Variants in F8 observed in about 807,000 individuals in gnomAD.
F8 encodes the protein antihemophilic factor.
F8 carries 12 observed loss-of-function variants against 140.6 expected under a neutral mutation model. That is an observed-to-expected ratio of 0.09 (90% confidence interval 0.05 to 0.14). F8 has a LOEUF of 0.14. Ranked by LOEUF, F8 falls within the 10% of genes least tolerant of loss-of-function variation. The pLI is 1.00. For missense variants in F8, 1,354 were observed against 1,720.7 expected (o/e 0.79, Z 3.77); for synonymous variants, 585 against 614.6 (o/e 0.95, Z 0.71).
chrX:154,928,481 T>C, intron 14 of F8, 90 bp downstream of exon 14: 1 of 835,039 alleles, frequency 1.2e-6, no homozygotes, highest in East Asian at 3.2e-5. Context: ...ACCTTGATTT[T>C]TCATCCTCTA....
rs199660138 is a variant in F8 at position 154,930,903 on chromosome X, C to T, written c.2887G>A (p.Asp963Asn). The change falls in exon 14 of 26, where the codon GAT becomes AAT. Residue 963 changes from aspartate to asparagine, a missense_variant. Physicochemically the swap from Asp to Asn is conservative, Grantham distance 23 (BLOSUM62 1). Coordinates refer to ENST00000360256, the MANE Select transcript of F8 (RefSeq NM_000132.4). ...GPLSLSEENN[D>N]SKLLESGLMN... Reference sequence around the variant, plus strand: ...AAACCTGATTCTAACAACTTTGAATCATTATTTTCTTCACTCAAGCTCAGA... The same window carrying T: ...AAACCTGATTCTAACAACTTTGAATTATTATTTTCTTCACTCAAGCTCAGA... 1.0e-4 allele frequency: 124 copies of T among 1,199,373 alleles called. No individual in the cohort carries two copies. The highest frequency in any genetic ancestry group is 2.9e-4 in the Admixed American group (13 of 44,144).
At chrX:154,878,133 G>A (rs1557274175) in intron 22 of F8, among the ~76,000 whole-genome samples, 1 of 111,226 alleles carries the variant, frequency 9.0e-6, no homozygotes, top group African/African-American at 3.3e-5. Context: ...TATATCACAA[G>A]AAAAGAAAAT....
chrX:154,953,770 A>G (rs1221669864), intron 12 of F8, 122 bp downstream of exon 12: 1 of 860,205 alleles, frequency 1.2e-6, no homozygotes, highest in Non-Finnish European at 1.7e-6. Flanking sequence ...TTATACATTT[A>G]TAGGTAACAT....
rs905796203 is a variant in F8 at position 154,949,237 on chromosome X, G to A, written c.1904-1330C>T. Among the ~76,000 whole-genome samples the A allele has an allele frequency of 6.2e-5, 7 of 112,081 alleles. No homozygotes were observed. The Admixed American group carries it at 6.6e-4, about 11-fold the overall frequency. On this transcript the variant is annotated intron_variant, in intron 12 of 25. Coordinates refer to ENST00000360256, the MANE Select transcript of F8 (RefSeq NM_000132.4). ...TGAACTAACTGAAAGCCTAATTTAG[G>A]AATATGCTTTTATAACAAACAGCTC...
intron 3 of F8, among the ~76,000 whole-genome samples, chrX:154,995,030 C>T (rs1225694078): frequency 9.0e-6 from 1 of 111,496 alleles, no homozygotes; most frequent in Non-Finnish European, 1.9e-5. Context: ...TTCCTGCCAG[C>T]CCCATAGAGG....
chrX:154,912,393 G>A (rs1482817847), intron 14 of F8, among the ~76,000 whole-genome samples: 1 of 112,394 alleles, frequency 8.9e-6, no homozygotes, highest in African/African-American at 3.2e-5. Context: ...GTGAGAGATA[G>A]GGGTTTAGTT....
At position 154,969,425 on chromosome X, in the gene F8, C is replaced by T. The variant is rs781936338; in HGVS notation, c.915G>A (p.Leu305=). The T allele has an allele frequency of 5.0e-6, 6 of 1,211,356 alleles. No homozygotes were observed. The Admixed American group carries it at 1.1e-4, about 22-fold the overall frequency. The change falls in exon 7 of 26, where the codon TTG becomes TTA. Residue 305 remains leucine, a synonymous_variant. Transcript: ENST00000360256. ...FLVRNHRQAS[L]EISPITFLTA... ...TAAGGAAAGTTATTGGCGAGATTTC[C>T]AAGGACGCCTGGCGATGGTTCCTCA...
In F8 at chrX:154,961,121, G is replaced by A. The variant is rs782768862; in HGVS notation, c.1491C>T (p.His497=). 11 of 1,201,998 alleles carry A rather than the reference G, an allele frequency of 9.2e-6. No homozygotes were observed. Among genetic ancestry groups the A allele is most frequent in the African/African-American group, 5.3e-5 (3 of 57,082 alleles). The part of the protein sequence containing the change: ...QASRPYNIYP[H]GITDVRPLYS... ...ACAAAGGACGGACATCAGTGATTCC[G>A]TGAGGGTAGATGTTATATGGTCTGC... Residue 497 remains histidine (H), a synonymous_variant, in exon 10 of 26, where the codon CAC becomes CAT. Transcript: ENST00000360256.
intron 13 of F8, among the ~76,000 whole-genome samples, chrX:154,943,891 C>G (rs925985020): frequency 1.8e-5 from 2 of 111,624 alleles, no homozygotes; most frequent in Admixed American, 9.5e-5. Flanking sequence ...TGATCTTTGA[C>G]AAGCCTGAGA....
chrX:154,899,444 A>G (rs1485987042), intron 21 of F8, among the ~76,000 whole-genome samples: 3 of 112,408 alleles, frequency 2.7e-5, no homozygotes, highest in Non-Finnish European at 5.6e-5. Context: ...GTATTATTAA[A>G]GTGAATTTCA....
At chrX:154,948,840 GT>G (rs1406980153) in intron 12 of F8, among the ~76,000 whole-genome samples, 1 of 111,524 alleles carries the variant, frequency 9.0e-6, no homozygotes, top group Non-Finnish European at 1.9e-5. Context: ...AATAATTGAA[GT>G]TTTTTTCCTA....
At chrX:154,908,198 A>C (rs782207768) in intron 14 of F8, among the ~76,000 whole-genome samples, 1 of 112,350 alleles carries the variant, frequency 8.9e-6, no homozygotes, top group East Asian at 2.8e-4. Flanking sequence ...AACATTTTCC[A>C]GCATTTTATT....
At chrX:154,933,986 AG>A (rs1172434881) in intron 13 of F8, among the ~76,000 whole-genome samples, 4 of 111,862 alleles carry the variant, frequency 3.6e-5, no homozygotes, top group African/African-American at 1.3e-4. Context: ...AGACTACCCA[AG>A]GGCCATAGTT....
At position 154,899,881 on chromosome X, in the gene F8, G is replaced by A. The variant is rs2073000956; in HGVS notation, c.6258C>T (p.Pro2086=). ...ATTTTCTAACCTTGATCCAAGAAAAGGGCTCCTTGGTGCTCCAGGCATTGA... is the reference window on the plus strand; with the variant it reads ...ATTTTCTAACCTTGATCCAAGAAAAAGGCTCCTTGGTGCTCCAGGCATTGA... ...GSINAWSTKE[P]FSWIKVDLLA... Residue 2086 remains proline (P), a synonymous_variant, in exon 21 of 26, where the codon CCC becomes CCT. Transcript: ENST00000360256. 3 of 1,208,641 alleles carry A rather than the reference G, an allele frequency of 2.5e-6. No individual in the cohort carries two copies. The highest frequency in any genetic ancestry group is 3.4e-6 in the Non-Finnish European group (3 of 893,949).
chrX:154,995,496 T>C (rs1452514357), intron 3 of F8, among the ~76,000 whole-genome samples: 1 of 112,058 alleles, frequency 8.9e-6, no homozygotes, highest in Non-Finnish European at 1.9e-5. Flanking sequence ...CCAGAAAGAT[T>C]TGAGTCTGTT....
At chrX:154,957,272 A>C (rs1557281289) in intron 10 of F8, 101 bp from the exon 11 acceptor site, 1 of 665,123 alleles carries the variant, frequency 1.5e-6, no homozygotes, top group Admixed American at 2.3e-5. Flanking sequence ...CTGTATGTAC[A>C]TATGAAGTTT....
At chrX:154,860,309 A>T in intron 25 of F8, 123 bp downstream of exon 25, 1 of 667,761 alleles carries the variant, frequency 1.5e-6, no homozygotes, top group Non-Finnish European at 2.4e-6. Flanking sequence ...TTGCTACCAT[A>T]GGTACTTAAT....
At chrX:154,847,129 T>C (rs1233096926) in intron 25 of F8, among the ~76,000 whole-genome samples, 4 of 112,403 alleles carry the variant, frequency 3.6e-5, no homozygotes, top group Non-Finnish European at 5.6e-5. Context: ...TCTTCTGGCT[T>C]GTAGAGTTTC....
chrX:154,965,189 T>C (rs1354068674), intron 9 of F8, among the ~76,000 whole-genome samples: 2 of 111,674 alleles, frequency 1.8e-5, no homozygotes, highest in Non-Finnish European at 3.8e-5. Flanking sequence ...TATATGTTGT[T>C]GGCAATGGTG....
Sources: allele counts gnomAD v4.1 joint callset (sites outside exome capture counted in the v4.1 genomes callset), GRCh38; gene constraint gnomAD v4.1.1; transcripts MANE v1.5; gene names NCBI Gene and HGNC (gene_info 2026-07-23, HGNC 2026-07-21).